CHLSN: variants seen among roughly 807,000 people sequenced by gnomAD.
The protein encoded by CHLSN is protein cholesin.
chr7:1,126,222 G>A, the CHLSN span, among the ~76,000 whole-genome samples: 17 of 151,850 alleles, frequency 1.1e-4, no homozygotes, highest in Non-Finnish European at 8.8e-5. Context: ...TTAGCTGGGC[G>A]TGGTGGTAGG....
At chr7:1,126,044 G>C in the CHLSN span, among the ~76,000 whole-genome samples, 5 of 152,244 alleles carry the variant, frequency 3.3e-5, no homozygotes, top group South Asian at 6.2e-4. Context: ...ACATGATACA[G>C]TACATAATAA....
the CHLSN span, among the ~76,000 whole-genome samples, chr7:1,102,863 G>C: frequency 2.6e-5 from 4 of 152,238 alleles, no homozygotes; most frequent in African/African-American, 9.6e-5. Flanking sequence ...GTAAGAAAAA[G>C]GACAGCAGCT....
At chr7:1,112,579 C>T in the CHLSN span, among the ~76,000 whole-genome samples, 3 of 152,026 alleles carry the variant, frequency 2.0e-5, no homozygotes, top group Non-Finnish European at 2.9e-5. Context: ...CTTCCAGCAA[C>T]GATTGGGCCA....
At chr7:1,120,868 A>C in the CHLSN span, among the ~76,000 whole-genome samples, 2 of 150,092 alleles carry the variant, frequency 1.3e-5, no homozygotes, top group East Asian at 3.9e-4. Flanking sequence ...AGTCCCAAAA[A>C]CGGATGGACA....
the CHLSN span, among the ~76,000 whole-genome samples, chr7:1,047,157 T>C: frequency 6.6e-6 from 1 of 152,254 alleles, no homozygotes; most frequent in East Asian, 1.9e-4. Context: ...AAGAATGCTG[T>C]TCCACCTTCC....
At chr7:1,032,304 G>A in the CHLSN span, among the ~76,000 whole-genome samples, 1 of 152,358 alleles carries the variant, frequency 6.6e-6, no homozygotes, top group East Asian at 1.9e-4. Context: ...ATCTGCTGTT[G>A]GCCAGAGCAG....
At chr7:1,028,583 TGC>T in the CHLSN span, 1 of 984,806 alleles carries the variant, frequency 1.0e-6, no homozygotes, top group Non-Finnish European at 1.2e-6. Flanking sequence ...CTGCGCGAAC[TGC>T]GGGGAGGGCG....
At chr7:1,136,853 G>A in the CHLSN span, among the ~76,000 whole-genome samples, 1 of 151,730 alleles carries the variant, frequency 6.6e-6, no homozygotes, top group Non-Finnish European at 1.5e-5. Flanking sequence ...TTAAAACCTT[G>A]GTCCATCCAT....
the CHLSN span, chr7:1,028,851 A>T: frequency 4.9e-6 from 3 of 615,670 alleles, no homozygotes; most frequent in African/African-American, 8.4e-5. Context: ...CCATCTTCCC[A>T]GTCTGCCATC....
chr7:1,134,898 T>C, the CHLSN span, among the ~76,000 whole-genome samples: 1 of 151,936 alleles, frequency 6.6e-6, no homozygotes, highest in Non-Finnish European at 1.5e-5. Flanking sequence ...AATAAATAAA[T>C]ACATAAAGAG....
chr7:1,134,030 C>G, the CHLSN span, among the ~76,000 whole-genome samples: 11 of 152,080 alleles, frequency 7.2e-5, no homozygotes, highest in East Asian at 1.7e-3. Context: ...GTCTCAAACT[C>G]CTGAGCTCAA....
the CHLSN span, among the ~76,000 whole-genome samples, chr7:1,073,152 G>A: frequency 7.2e-4 from 109 of 152,294 alleles, no homozygotes; most frequent in Non-Finnish European, 1.1e-3. Context: ...AGGACTGGCA[G>A]CAGGAGAGGA....
chr7:1,101,437 G>A, the CHLSN span, among the ~76,000 whole-genome samples: 1 of 152,236 alleles, frequency 6.6e-6, no homozygotes, highest in Non-Finnish European at 1.5e-5. Flanking sequence ...ACCAGGGGCT[G>A]GCTCTGTAGA....
the CHLSN span, among the ~76,000 whole-genome samples, chr7:991,172 C>T: frequency 1.9e-4 from 29 of 152,098 alleles, no homozygotes; most frequent in Admixed American, 1.4e-3. Context: ...GAGGCCCAGC[C>T]GACATGAGGG....
the CHLSN span, among the ~76,000 whole-genome samples, chr7:1,040,183 TAAAA>T: frequency 5.8e-4 from 43 of 74,532 alleles, 2 homozygotes; most frequent in African/African-American, 8.6e-4. Flanking sequence ...AAAATAAATT[TAAAA>T]AAAAAAAAAA....
chr7:980,658 T>C, the CHLSN span, among the ~76,000 whole-genome samples: 1 of 150,602 alleles, frequency 6.6e-6, no homozygotes, highest in Non-Finnish European at 1.5e-5. Flanking sequence ...GTTAGAGGAG[T>C]ACTGTTAATT....
chr7:1,133,409 A>AAAAACAAAAC, the CHLSN span, among the ~76,000 whole-genome samples: 7 of 149,430 alleles, frequency 4.7e-5, no homozygotes, highest in Non-Finnish European at 7.4e-5. Flanking sequence ...AAAAAAAAAA[A>AAAAACAAAAC]AAAACTATAA....
the CHLSN span, among the ~76,000 whole-genome samples, chr7:1,122,669 G>A: frequency 6.6e-6 from 1 of 152,286 alleles, no homozygotes; most frequent in South Asian, 2.1e-4. Context: ...TGTGTCATTT[G>A]AAACCTCATC....
chr7:1,054,872 T>C, the CHLSN span, among the ~76,000 whole-genome samples: 24,002 of 152,234 alleles, frequency 0.16, 1,976 homozygotes, highest in Middle Eastern at 0.28. Context: ...GCTGTGCCTC[T>C]GAGGACTCCT....
Sources: allele counts gnomAD v4.1 joint callset (sites outside exome capture counted in the v4.1 genomes callset), GRCh38; gene constraint gnomAD v4.1.1; transcripts MANE v1.5; gene names NCBI Gene and HGNC (gene_info 2026-07-23, HGNC 2026-07-21).